Variants in LMCD1 observed in about 807,000 individuals in gnomAD.
LMCD1 encodes the protein LIM and cysteine rich domains 1.
Under a neutral mutation model 42.7 loss-of-function variants are expected in LMCD1, and 32 were observed. That is an observed-to-expected ratio of 0.75 (90% CI 0.57 to 1.01). The LOEUF is 1.01. Ranked by LOEUF, LMCD1 falls within the 50% of genes least tolerant of loss-of-function variation. The pLI is 0.00. For synonymous variants in LMCD1, 178 were observed against 184.9 expected (o/e 0.96, Z 0.30); for missense variants, 458 against 483.1 (o/e 0.95, Z 0.49).
At chr3:8,539,508 C>T (rs1310537119) in intron 3 of LMCD1, among the ~76,000 whole-genome samples, 2 of 152,136 alleles carry the variant, frequency 1.3e-5, no homozygotes, top group Non-Finnish European at 2.9e-5. Context: ...CCCTCCAGCC[C>T]CAGGTCTGGG....
intron 2 of LMCD1, among the ~76,000 whole-genome samples, chr3:8,536,444 C>G (rs148082795): frequency 4.5e-4 from 69 of 152,296 alleles, no homozygotes; most frequent in African/African-American, 1.6e-3. Context: ...GGATGTGTTT[C>G]CTTCTTCTGA....
chr3:8,550,196 T>G (rs1381617469), intron 4 of LMCD1: 1 of 1,251,232 alleles, frequency 8.0e-7, no homozygotes, highest in Non-Finnish European at 1.0e-6. Context: ...GCGAAAGGAA[T>G]GCTTGAGGCT....
intron 1 of LMCD1, 150 bp from the exon 2 acceptor site, chr3:8,532,587 C>T (rs755952955): frequency 6.0e-6 from 4 of 672,132 alleles, no homozygotes; most frequent in Non-Finnish European, 1.1e-5. Context: ...CTTCTCAGTT[C>T]CCGGTAAACA....
chr3:8,555,147 G>A (rs1255227420), intron 4 of LMCD1, among the ~76,000 whole-genome samples: 1 of 152,110 alleles, frequency 6.6e-6, no homozygotes, highest in Non-Finnish European at 1.5e-5. Flanking sequence ...TTCCCCACAA[G>A]AATGCTGAGA....
intron 1 of LMCD1, among the ~76,000 whole-genome samples, chr3:8,509,302 AC>A (rs1346208620): frequency 6.6e-6 from 1 of 152,080 alleles, no homozygotes; most frequent in Non-Finnish European, 1.5e-5. Context: ...TTGTAGTTAA[AC>A]TTGGACCTAG....
chr3:8,569,012 C>G lies in LMCD1; in HGVS notation c.*1414C>G, dbSNP rs1404859167. On this transcript the variant is annotated 3_prime_UTR_variant, in exon 6 of 6. Transcript: ENST00000157600. ...AGGCAGTGGTTTTCTGCTCCCAGCT[C>G]CTTTCTCTAGTCACCCTCAGTTTCC... 1 of 152,220 alleles carries G rather than the reference C, an allele frequency of 6.6e-6. No individual in the cohort carries two copies. The highest frequency in any genetic ancestry group is 1.5e-5 in the Non-Finnish European group (1 of 68,056). 9.4% of individuals were successfully genotyped at this position (152,220 alleles called of 1,614,324 possible).
chr3:8,565,910 A>C (rs1240621112), intron 5 of LMCD1, among the ~76,000 whole-genome samples: 1 of 152,234 alleles, frequency 6.6e-6, no homozygotes, highest in Non-Finnish European at 1.5e-5. Flanking sequence ...AAGTACTCAG[A>C]ACATAGCAGG....
At chr3:8,529,410 C>T (rs540462217) in intron 1 of LMCD1, among the ~76,000 whole-genome samples, 1 of 152,276 alleles carries the variant, frequency 6.6e-6, no homozygotes, top group Admixed American at 6.5e-5. Flanking sequence ...AGATGGAGAC[C>T]AGGGCCAACT....
chr3:8,504,369 C>T (rs184599020), intron 1 of LMCD1, among the ~76,000 whole-genome samples: 27 of 152,306 alleles, frequency 1.8e-4, no homozygotes, highest in African/African-American at 5.1e-4. Context: ...GATGCATAAT[C>T]GCACTTAGAC....
chr3:8,567,633 C>T lies in LMCD1; in HGVS notation c.*35C>T, dbSNP rs1157854829. The stretch of plus-strand genomic sequence containing the variant: ...CACCCACAGCCAGAATCCACAGGAT[C>T]CCACCGAGAAGGAGAGCCAGGTGTG... On this transcript the variant is annotated 3_prime_UTR_variant, in exon 6 of 6. Transcript: ENST00000157600. 20 of 1,580,938 alleles carry T rather than the reference C, an allele frequency of 1.3e-5. No individual in the cohort carries two copies. Among genetic ancestry groups the T allele is most frequent in the Non-Finnish European group, 1.7e-5 (20 of 1,161,844 alleles).
chr3:8,557,881 A>G (rs1351578690), intron 4 of LMCD1, among the ~76,000 whole-genome samples: 2 of 152,138 alleles, frequency 1.3e-5, no homozygotes, highest in East Asian at 3.9e-4. Context: ...CAGAGACTGG[A>G]ATCACCTGAA....
chr3:8,562,250 T>C (rs17049256), intron 4 of LMCD1, among the ~76,000 whole-genome samples: 25,199 of 152,156 alleles, frequency 0.17, 2,831 homozygotes, highest in African/African-American at 0.32. Flanking sequence ...GGAAAGAGGA[T>C]GACAAACAGC....
intron 4 of LMCD1, among the ~76,000 whole-genome samples, chr3:8,559,615 C>A (rs1694992070): frequency 6.6e-6 from 1 of 152,176 alleles, no homozygotes; most frequent in Non-Finnish European, 1.5e-5. Flanking sequence ...GTGGGAGAGA[C>A]TAAGTTTGTG....
At chr3:8,561,834 G>A (rs902570602) in intron 4 of LMCD1, among the ~76,000 whole-genome samples, 1 of 151,760 alleles carries the variant, frequency 6.6e-6, no homozygotes. Context: ...ATGCAGACAC[G>A]CTGTAGGGAC....
chr3:8,511,076 C>T (rs60098042), intron 1 of LMCD1, among the ~76,000 whole-genome samples: 2,213 of 152,268 alleles, frequency 0.015, 56 homozygotes, highest in African/African-American at 0.05. Flanking sequence ...CCTATTACCT[C>T]GAACAAGTCA....
At chr3:8,527,224 A>C (rs989435172) in intron 1 of LMCD1, among the ~76,000 whole-genome samples, 1 of 152,208 alleles carries the variant, frequency 6.6e-6, no homozygotes, top group African/African-American at 2.4e-5. Flanking sequence ...GATCACTGGG[A>C]AAGATAAAAC....
intron 1 of LMCD1, among the ~76,000 whole-genome samples, chr3:8,523,192 T>C (rs1694237665): frequency 6.6e-6 from 1 of 152,256 alleles, no homozygotes; most frequent in African/African-American, 2.4e-5. Context: ...TCAATTTGTT[T>C]AGTCTGTGCA....
At chr3:8,555,338 G>T (rs184045161) in intron 4 of LMCD1, among the ~76,000 whole-genome samples, 1 of 152,262 alleles carries the variant, frequency 6.6e-6, no homozygotes, top group East Asian at 1.9e-4. Context: ...CGGCAGGCAG[G>T]CTGGCTGGCT....
In LMCD1 at chr3:8,548,644, G is replaced by A. The variant is rs750515160; in HGVS notation, c.464G>A (p.Arg155His). The A allele has an allele frequency of 3.7e-5, 59 of 1,614,032 alleles. No homozygotes were observed. The highest frequency in any genetic ancestry group is 1.0e-4 in the Admixed American group (6 of 60,000). ...ACAGAGGGTGCCTTTTACCGCCGCC[G>A]CCAGCTCATGCACCAGCTCCCCATC... ...TGTEGAFYRR[R>H]QLMHQLPIYD... Residue 155 changes from arginine to histidine, a missense_variant, in exon 4 of 6, where the codon CGC (arginine) becomes CAC (histidine). Coordinates refer to ENST00000157600, the MANE Select transcript of LMCD1 (RefSeq NM_014583.4).
Sources: gnomAD v4.1 joint callset for allele counts (sites outside exome capture counted in the v4.1 genomes callset) on GRCh38, gnomAD v4.1.1 for gene constraint, MANE v1.5 for transcripts, NCBI Gene and HGNC (gene_info 2026-07-23, HGNC 2026-07-21) for gene names.